Variants in RNH1 observed in about 807,000 individuals in gnomAD.
RNH1 encodes the protein ribonuclease/angiogenin inhibitor 1, also known as ribonuclease inhibitor.
A neutral mutation model predicts 46.1 loss-of-function variants in RNH1; 38 were observed. That is an observed-to-expected ratio of 0.82 (90% CI 0.64 to 1.08). The LOEUF (loss-of-function observed/expected upper bound fraction) is 1.08, where lower values mean the gene tolerates loss of function less well. RNH1 is among the 50% of genes least tolerant of loss of function. The pLI, the probability that RNH1 is intolerant of heterozygous loss-of-function variation, is 0.00. For synonymous variants in RNH1, 319 were observed against 279.1 expected, an observed-to-expected ratio of 1.14 and a Z score of -1.43; for missense variants, 577 against 590.7, an observed-to-expected ratio of 0.98 and a Z score of 0.24.
intron 9 of RNH1, among the ~76,000 whole-genome samples, chr11:496,504 C>T (rs952823596): frequency 6.6e-6 from 1 of 152,224 alleles, no homozygotes; most frequent in Non-Finnish European, 1.5e-5. Flanking sequence ...CCCATCTCTA[C>T]TAAAAGTACA....
chr11:499,834 C>A lies in RNH1; in HGVS notation c.438G>T (p.Lys146Asn). The change falls in exon 5 of 11, where the codon AAG becomes AAT. Residue 146 changes from lysine (K) to asparagine (N), a missense_variant. Lys to Asn is a moderately conservative substitution (Grantham distance 94). Coordinates refer to ENST00000354420, the MANE Select transcript of RNH1 (RefSeq NM_203387.3). The stretch of plus-strand genomic sequence containing the variant: ...GGGGCAGGACACAAACTCACTGCAG[C>A]TTTTCCAGGCGGCACTGGGGGTCCA... ...GLLDPQCRLE[K>N]LQLEYCSLSA... is the part of the protein sequence containing the mutation. 6.2e-7 allele frequency: 1 copy of A among 1,606,644 alleles called. No individual in the cohort carries two copies. The highest frequency in any genetic ancestry group is 8.5e-7 in the Non-Finnish European group (1 of 1,176,160).
chr11:494,856 C>T (rs1565011099), intron 10 of RNH1, 27 bp downstream of exon 10: 5 of 1,611,882 alleles, frequency 3.1e-6, no homozygotes, highest in Non-Finnish European at 4.2e-6. Flanking sequence ...GCCCTGGCCG[C>T]ACCACCCGCC....
Position 494,516 on chromosome 11 carries a change from G to T in RNH1, c.*175C>A. ...CCCAGGAAGGACAAGAGCCTCTCCT[G>T]CCAAGAAAGTGCTTTAATGATTATA... is the stretch of plus-strand genomic sequence containing the variant. On this transcript the variant is annotated 3_prime_UTR_variant, in exon 11 of 11. Coordinates refer to ENST00000354420, the MANE Select transcript of RNH1 (RefSeq NM_203387.3). The T allele has an allele frequency of 1.6e-6, 1 of 644,426 alleles. No individual in the cohort carries two copies. The highest frequency in any genetic ancestry group is 2.7e-6 in the Non-Finnish European group (1 of 369,230). 39.9% of individuals were successfully genotyped at this position (644,426 alleles called of 1,614,324 possible).
chr11:496,943 G>A (rs1229178382), intron 9 of RNH1, among the ~76,000 whole-genome samples: 4 of 152,282 alleles, frequency 2.6e-5, no homozygotes, highest in African/African-American at 7.2e-5. Context: ...GAAGCTCTCA[G>A]GCTTCATGAA....
In RNH1 at chr11:500,606, A is replaced by G. The variant is rs199662978; in HGVS notation, c.150T>C (p.Ser50=). ...LTEARCKDIS[S]ALRVNPALAE... ...CCAGTGCAGGGTTGACTCGAAGTGC[A>G]GAGCTGATGTCCTTGCACCGTGCTT... The change falls in exon 4 of 11, where the codon TCT becomes TCC. Residue 50 remains serine (S), a synonymous_variant. Coordinates refer to ENST00000354420, the MANE Select transcript of RNH1 (RefSeq NM_203387.3). 3 of 1,609,784 alleles carry G rather than the reference A, an allele frequency of 1.9e-6. No individual in the cohort carries two copies. The highest frequency in any genetic ancestry group is 2.5e-6 in the Non-Finnish European group (3 of 1,179,964).
chr11:499,656 A>C, intron 5 of RNH1, 173 bp downstream of exon 5: 2 of 777,838 alleles, frequency 2.6e-6, no homozygotes, highest in East Asian at 2.6e-5. Flanking sequence ...TCATGGGGAG[A>C]GGAGAGCACC....
intron 1 of RNH1, 60 bp downstream of exon 1, chr11:507,053 G>A (rs1850335679): frequency 6.6e-6 from 1 of 152,198 alleles, no homozygotes; most frequent in Non-Finnish European, 1.5e-5. Flanking sequence ...CAAGAAGCCC[G>A]ACCAAGGCCG....
At position 498,043 on chromosome 11, in the gene RNH1, CTGT is replaced by C. The variant is rs771283899; in HGVS notation, c.1052_1054del (p.Asn351del). The C allele has an allele frequency of 3.7e-6, 6 of 1,614,106 alleles. No individual in the cohort carries two copies. The highest frequency in any genetic ancestry group is 1.1e-5 in the South Asian group (1 of 91,078). On this transcript the variant is annotated inframe_deletion, in exon 9 of 11. Coordinates refer to ENST00000354420, the MANE Select transcript of RNH1 (RefSeq NM_203387.3). ...CTCCCGCACGCCCGCATCCTCCAGC[CTGT>C]TGTTGCTTATCTGTAGCTCCAGGAG...
chr11:505,356 A>G (rs1850173988), intron 1 of RNH1: 2 of 152,214 alleles, frequency 1.3e-5, no homozygotes, highest in South Asian at 4.1e-4. Context: ...AAATATTAAG[A>G]ATATTGAGAT....
chr11:498,991 AC>A (rs754556259), intron 6 of RNH1, 23 bp downstream of exon 6: 7 of 1,604,478 alleles, frequency 4.4e-6, no homozygotes, highest in Admixed American at 3.4e-5. Flanking sequence ...CACACCCCGC[AC>A]CCCCCCAAGG....
In RNH1 at chr11:501,934, T is replaced by C. The variant is rs1849784232; in HGVS notation, c.101+128A>G. 1 of 638,860 alleles carries C rather than the reference T, an allele frequency of 1.6e-6. No homozygotes were observed. Among genetic ancestry groups the C allele is most frequent in the Non-Finnish European group, 2.8e-6 (1 of 355,960 alleles). 39.6% of individuals were successfully genotyped at this position (638,860 alleles called of 1,614,324 possible). ...CAAGAATCACATCTCATGCACGTGGTAGCTGCACAGAATTCATACTTCATG... is the reference window on the plus strand; with the variant it reads ...CAAGAATCACATCTCATGCACGTGGCAGCTGCACAGAATTCATACTTCATG... On this transcript the variant is annotated intron_variant, in intron 3 of 10. Transcript: ENST00000354420. This position sits in a 1 kb window ranked among gnomAD's most constrained non-coding sequence, Gnocchi z 4.1.
chr11:500,989 G>A (rs998122231), intron 3 of RNH1: 6 of 392,084 alleles, frequency 1.5e-5, no homozygotes, highest in African/African-American at 8.3e-5. Flanking sequence ...GTAGCCGGGC[G>A]TGGTGGCGCA....
intron 8 of RNH1, 36 bp from the exon 9 acceptor site, chr11:498,177 C>T: frequency 6.3e-7 from 1 of 1,579,306 alleles, no homozygotes; most frequent in South Asian, 1.1e-5. Flanking sequence ...CTGGCAGGGG[C>T]CCAGGCTGGC....
In RNH1 at chr11:502,115, G is replaced by A. The variant is rs61732497; in HGVS notation, c.48C>T (p.Ser16=). The change falls in exon 3 of 11, where the codon AGC becomes AGT. Residue 16 remains serine, a synonymous_variant. Coordinates refer to ENST00000354420, the MANE Select transcript of RNH1 (RefSeq NM_203387.3). This position sits in a 1 kb window ranked among gnomAD's most constrained non-coding sequence, Gnocchi z 5.8. ...QSLDIQCEEL[S]DARWAELLPL... ...GGAGGAGCTCGGCCCATCTAGCGTC[G>A]CTCAGCTCCTCACACTGGATGTCCA... 226 of 1,612,064 alleles carry A rather than the reference G, an allele frequency of 1.4e-4. No individual in the cohort carries two copies. The African/African-American group carries it at 2.6e-3, about 18-fold the overall frequency.
intron 9 of RNH1, among the ~76,000 whole-genome samples, chr11:495,572 G>T (rs1408923285): frequency 6.6e-6 from 1 of 152,214 alleles, no homozygotes; most frequent in Non-Finnish European, 1.5e-5. Context: ...CCACAGGCCG[G>T]ACAGCAGGGC....
chr11:497,403 A>C (rs1300337081), intron 9 of RNH1, among the ~76,000 whole-genome samples: 1 of 108,370 alleles, frequency 9.2e-6, no homozygotes, highest in Non-Finnish European at 1.8e-5. Flanking sequence ...TCGTGCTCTC[A>C]CCCATGTGCT....
chr11:494,568 T>C lies in RNH1; in HGVS notation c.*123A>G, dbSNP rs1299975760. The C allele has an allele frequency of 8.5e-6, 7 of 828,230 alleles. No homozygotes were observed. The highest frequency in any genetic ancestry group is 1.4e-5 in the Non-Finnish European group (7 of 499,234). 51.3% of individuals were successfully genotyped at this position (828,230 alleles called of 1,614,324 possible). On this transcript the variant is annotated 3_prime_UTR_variant, in exon 11 of 11. Coordinates refer to ENST00000354420, the MANE Select transcript of RNH1 (RefSeq NM_203387.3). Reference sequence around the variant, plus strand: ...AGTGTCCAAAATATACTGGCAGAAATAAGCGGATCTGAGCGTTTCTCTTCA... The same window carrying C: ...AGTGTCCAAAATATACTGGCAGAAACAAGCGGATCTGAGCGTTTCTCTTCA...
chr11:500,034 G>T, intron 4 of RNH1, 35 bp from the exon 5 acceptor site: 1 of 1,504,510 alleles, frequency 6.6e-7, no homozygotes. Flanking sequence ...GGGCTCCCCT[G>T]AGCCAAGCTG....
In RNH1 at chr11:494,668, GGA is replaced by G. The variant is rs751502704; in HGVS notation, c.*21_*22del. The G allele has an allele frequency of 6.2e-7, 1 of 1,611,384 alleles. No homozygotes were observed. Among genetic ancestry groups the G allele is most frequent in the South Asian group, 1.1e-5 (1 of 91,042 alleles). On this transcript the variant is annotated 3_prime_UTR_variant, in exon 11 of 11. Coordinates refer to ENST00000354420, the MANE Select transcript of RNH1 (RefSeq NM_203387.3). ...GGTTGCCTCGAGGCCGGTCGTCCAG[GGA>G]GAGCAGCAGCAGGAAGAGCCTCAGG...
Sources: allele counts gnomAD v4.1 joint callset (sites outside exome capture counted in the v4.1 genomes callset), GRCh38; gene constraint gnomAD v4.1.1; non-coding constraint Gnocchi (gnomAD v3.1); transcripts MANE v1.5; gene names NCBI Gene and HGNC (gene_info 2026-07-23, HGNC 2026-07-21).